Variants in MAPKBP1 observed in about 807,000 individuals in gnomAD.
MAPKBP1 encodes the protein mitogen-activated protein kinase-binding protein 1.
MAPKBP1 carries 71 observed loss-of-function variants against 170.5 expected under a neutral mutation model. The ratio of observed to expected loss-of-function variants is 0.42; its 90% CI spans 0.34 to 0.51. MAPKBP1 has a LOEUF of 0.51. MAPKBP1 is among the 20% of genes least tolerant of loss of function. MAPKBP1 has a pLI of 0.06. For missense variants in MAPKBP1, 1,598 were observed against 1,933.0 expected, an observed-to-expected ratio of 0.83 and a Z score of 3.25; for synonymous variants, 719 against 757.9, an observed-to-expected ratio of 0.95 and a Z score of 0.84.
At chr15:41,813,259 C>G (rs920953976) in intron 8 of MAPKBP1, 158 bp downstream of exon 8, 3 of 1,507,900 alleles carry the variant, frequency 2.0e-6, no homozygotes, top group Non-Finnish European at 2.8e-6. Context: ...ATTTCCAGCC[C>G]TTGGTGATCT....
chr15:41,824,092 G>A (rs754381230), intron 29 of MAPKBP1, 31 bp downstream of exon 29: 1 of 1,564,764 alleles, frequency 6.4e-7, no homozygotes, highest in East Asian at 2.3e-5. Flanking sequence ...CTCATCTCCT[G>A]CCCCATCCTT....
At chr15:41,788,039 C>A (rs917246130) in intron 2 of MAPKBP1, among the ~76,000 whole-genome samples, 2 of 152,022 alleles carry the variant, frequency 1.3e-5, no homozygotes. Flanking sequence ...CTCACTGCAA[C>A]CTCCGCCTCC....
Position 41,781,431 on chromosome 15 carries a change from T to A in MAPKBP1, c.114+6042T>A, listed in dbSNP as rs2064186651. Among the ~76,000 whole-genome samples, 3 of 150,346 alleles carry A rather than the reference T, an allele frequency of 2.0e-5. No individual in the cohort carries two copies. In the South Asian group the frequency reaches 6.3e-4, roughly 32 times the overall value. On this transcript the variant is annotated intron_variant, in intron 2 of 30. Transcript: ENST00000457542. ...TTTTTTTCTTGCTGGGATTTTAAAGTTTATATGCCTTATCTCTCCTCCTAA... is the reference window on the plus strand; with the variant it reads ...TTTTTTTCTTGCTGGGATTTTAAAGATTATATGCCTTATCTCTCCTCCTAA...
intron 2 of MAPKBP1, among the ~76,000 whole-genome samples, chr15:41,784,650 C>T (rs569712329): frequency 4.6e-4 from 70 of 151,816 alleles, no homozygotes; most frequent in African/African-American, 6.0e-4. Context: ...GGCGTGGTGG[C>T]GCACACCTGT....
At chr15:41,797,000 T>C (rs543462882) in intron 2 of MAPKBP1, among the ~76,000 whole-genome samples, 13 of 152,364 alleles carry the variant, frequency 8.5e-5, no homozygotes, top group African/African-American at 3.1e-4. Context: ...GTTTTATGCA[T>C]ATGCACACAC....
intron 2 of MAPKBP1, among the ~76,000 whole-genome samples, chr15:41,788,300 T>G (rs2064335651): frequency 6.6e-6 from 1 of 152,150 alleles, no homozygotes; most frequent in Admixed American, 6.6e-5. Context: ...TTTAAAAAAT[T>G]GATTCAACAA....
chr15:41,817,747 C>T lies in MAPKBP1; in HGVS notation c.1904+12C>T, dbSNP rs773738297. 3.7e-6 allele frequency: 6 copies of T among 1,609,690 alleles called. No individual in the cohort carries two copies. In the African/African-American group the frequency reaches 5.4e-5, roughly 14 times the overall value. The stretch of plus-strand genomic sequence containing the variant: ...GACCGAAATATTCGGTGGGCGTCCC[C>T]TCCTCAGACTCTGCCCACATTCCTT... On this transcript the variant is annotated intron_variant, in intron 16 of 30. Coordinates refer to ENST00000457542, the MANE Select transcript of MAPKBP1 (RefSeq NM_014994.3). This position sits in a 1 kb window ranked among gnomAD's most constrained non-coding sequence, Gnocchi z 4.2.
chr15:41,787,084 A>C (rs1038869630), intron 2 of MAPKBP1, among the ~76,000 whole-genome samples: 1 of 151,166 alleles, frequency 6.6e-6, no homozygotes, highest in African/African-American at 2.4e-5. Context: ...TAGGCCTCTC[A>C]AAGTAGATTT....
At chr15:41,786,543 T>C (rs1294013515) in intron 2 of MAPKBP1, among the ~76,000 whole-genome samples, 1 of 151,594 alleles carries the variant, frequency 6.6e-6, no homozygotes, top group Non-Finnish European at 1.5e-5. Flanking sequence ...GGCGGGCGGA[T>C]CACAAGGTCA....
chr15:41,800,020 A>T, intron 3 of MAPKBP1, 106 bp downstream of exon 3: 1 of 916,794 alleles, frequency 1.1e-6, no homozygotes. Context: ...AGATAGATAC[A>T]GGTTAATGTT....
rs944937183 is a variant in MAPKBP1 at position 41,786,145 on chromosome 15, ATTAT to A, written c.114+10761_114+10764del. On this transcript the variant is annotated intron_variant, in intron 2 of 30. Coordinates refer to ENST00000457542, the MANE Select transcript of MAPKBP1 (RefSeq NM_014994.3). Reference sequence around the variant, plus strand: ...TGTATAATACTTTTTTATGTTAATGATTATTTATATTTTTGTTAAAACATATATA... The same window carrying A: ...TGTATAATACTTTTTTATGTTAATGATTATATTTTTGTTAAAACATATATA... 2.0e-5 allele frequency among the ~76,000 whole-genome samples: 3 copies of A among 152,330 alleles called. 1 individual carries two copies. Among genetic ancestry groups the A allele is most frequent in the African/African-American group, 7.2e-5 (3 of 41,580 alleles).
intron 23 of MAPKBP1, 122 bp from the exon 24 acceptor site, chr15:41,821,462 A>C: frequency 1.1e-6 from 1 of 877,966 alleles, no homozygotes. Flanking sequence ...CCGCATCCTT[A>C]CTCACCTCCA....
chr15:41,809,762 G>A (rs1217538158), intron 3 of MAPKBP1, among the ~76,000 whole-genome samples: 3 of 152,222 alleles, frequency 2.0e-5, no homozygotes, highest in African/African-American at 2.4e-5. Context: ...TTCCATCTCC[G>A]GAGCTGCCTC....
At position 41,823,582 on chromosome 15, in the gene MAPKBP1, C is replaced by A. The variant is rs1368254511; in HGVS notation, c.3734C>A (p.Thr1245Asn). 1 of 1,614,076 alleles carries A rather than the reference C, an allele frequency of 6.2e-7. No individual in the cohort carries two copies. Among genetic ancestry groups the A allele is most frequent in the East Asian group, 2.2e-5 (1 of 44,896 alleles). ...CGGCCTCACTCCTATCAGAACCCCACCACCAGTTCCATGGCCAAGATATCC... is the reference window on the plus strand; with the variant it reads ...CGGCCTCACTCCTATCAGAACCCCAACACCAGTTCCATGGCCAAGATATCC... ...PSRPHSYQNP[T>N]TSSMAKISRS... Residue 1245 changes from threonine to asparagine, a missense_variant, in exon 29 of 31, where the codon ACC becomes AAC. By Grantham distance (65) the Thr-to-Asn change is moderately conservative. This residue lies in a region of MAPKBP1 where 942 missense variants were observed against 953.2 expected (regional missense o/e 0.99). Coordinates refer to ENST00000457542, the MANE Select transcript of MAPKBP1 (RefSeq NM_014994.3).
rs2065071005 is a variant in MAPKBP1, at chr15:41,825,273, T to C, written c.4364T>C (p.Phe1455Ser). Residue 1455 changes from phenylalanine to serine, a missense_variant, in exon 31 of 31, where the codon TTC becomes TCC. Phe to Ser is a radical substitution (Grantham distance 155). Coordinates refer to ENST00000457542, the MANE Select transcript of MAPKBP1 (RefSeq NM_014994.3). ...ATTGCCCAGCTCCTCAGAGACACCTTCTCTTCAGTGCGACAGGAGCTGGAA... is the reference window on the plus strand; with the variant it reads ...ATTGCCCAGCTCCTCAGAGACACCTCCTCTTCAGTGCGACAGGAGCTGGAA... ...SRIAQLLRDTFSSVRQELEAV... is the reference protein window; with the variant it reads ...SRIAQLLRDTSSSVRQELEAV... The C allele has an allele frequency of 1.9e-6, 3 of 1,611,140 alleles. No individual in the cohort carries two copies. Among genetic ancestry groups the C allele is most frequent in the East Asian group, 2.2e-5 (1 of 44,758 alleles).
intron 2 of MAPKBP1, among the ~76,000 whole-genome samples, chr15:41,798,269 A>G (rs2064530118): frequency 6.7e-6 from 1 of 149,716 alleles, no homozygotes; most frequent in Non-Finnish European, 1.5e-5. Flanking sequence ...AAAAAAAAAA[A>G]AATCTAAACA....
intron 6 of MAPKBP1, 75 bp downstream of exon 6, chr15:41,812,202 C>T: frequency 6.4e-7 from 1 of 1,557,868 alleles, no homozygotes; most frequent in Non-Finnish European, 8.8e-7. Flanking sequence ...AGACTGCTGA[C>T]CTGCACTGCT....
At chr15:41,811,371 A>C in intron 5 of MAPKBP1, 136 bp downstream of exon 5, 1 of 898,526 alleles carries the variant, frequency 1.1e-6, no homozygotes, top group Non-Finnish European at 1.8e-6. Context: ...TATACCTTAA[A>C]ATAGTGGTTC....
chr15:41,813,273 TA>T, intron 8 of MAPKBP1, 172 bp downstream of exon 8: 2 of 1,520,390 alleles, frequency 1.3e-6, no homozygotes, highest in Non-Finnish European at 1.8e-6. Context: ...GTGATCTGTA[TA>T]ACTGCCTCCT....
Sources: gnomAD v4.1 joint callset for allele counts (sites outside exome capture counted in the v4.1 genomes callset) on GRCh38, gnomAD v4.1.1 for gene constraint, gnomAD v4.1.1 regional missense constraint, Gnocchi (gnomAD v3.1) non-coding constraint, MANE v1.5 for transcripts, NCBI Gene and HGNC (gene_info 2026-07-23, HGNC 2026-07-21) for gene names.